CORO7: variants seen among roughly 807,000 people sequenced by gnomAD.
The protein encoded by CORO7 is coronin-7.
CORO7 carries 107 observed loss-of-function variants against 126.6 expected under a neutral mutation model. The observed-to-expected ratio is 0.85, with a 90% CI of 0.72 to 0.99. The LOEUF is 0.99. CORO7 is among the 50% of genes least tolerant of loss of function. The pLI is 0.00. For synonymous variants in CORO7, 603 were observed against 536.8 expected (o/e 1.12, Z -1.70); for missense variants, 1,314 against 1,255.8 (o/e 1.05, Z -0.70).
At chr16:4,409,693 C>T (rs972002781) in intron 3 of CORO7, among the ~76,000 whole-genome samples, 12 of 152,214 alleles carry the variant, frequency 7.9e-5, no homozygotes, top group Non-Finnish European at 1.2e-4. Context: ...CCCACTGGAG[C>T]GGGCCCCAGC....
intron 9 of CORO7, chr16:4,382,753 G>A (rs2055042995): frequency 2.6e-6 from 4 of 1,560,186 alleles, no homozygotes; most frequent in African/African-American, 1.4e-5. Flanking sequence ...GGAACTGGAG[G>A]GAGTGAAGGT....
chr16:4,362,558 TG>T lies in CORO7; in HGVS notation c.1402+53del. 1 of 1,486,768 alleles carries T rather than the reference TG, an allele frequency of 6.7e-7. No homozygotes were observed. Among genetic ancestry groups the T allele is most frequent in the Non-Finnish European group, 8.9e-7 (1 of 1,119,822 alleles). The allele number at this position is 1,486,768 out of a possible 1,614,324, so 92.1% of individuals were successfully genotyped here. A position where few individuals can be genotyped will look rare whatever the true frequency, so the allele number is the denominator to read the frequency against. ...GGGTACACAGGAGGATGACGGGGAG[TG>T]GGGCAGACAGGGCTCCTGCGGTAGG... On this transcript the variant is annotated intron_variant, in intron 15 of 27. Coordinates refer to ENST00000251166, the MANE Select transcript of CORO7 (RefSeq NM_024535.5). This position sits in a 1 kb window ranked among gnomAD's most constrained non-coding sequence, Gnocchi z 5.3.
At chr16:4,360,024 T>C (rs2054111974) in intron 21 of CORO7, among the ~76,000 whole-genome samples, 1 of 130,876 alleles carries the variant, frequency 7.6e-6, no homozygotes. Flanking sequence ...CATCCATCGA[T>C]CTCTCCCTAC....
Position 4,388,627 on chromosome 16 carries a change from G to C in CORO7, c.620C>G (p.Thr207Arg). 1 of 1,611,024 alleles carries C rather than the reference G, an allele frequency of 6.2e-7. No individual in the cohort carries two copies. The highest frequency in any genetic ancestry group is 8.5e-7 in the Non-Finnish European group (1 of 1,179,178). Reference protein sequence around the residue: ...PRTKPRASQSTQAHENSRDSR... With the variant: ...PRTKPRASQSRQAHENSRDSR... ...ATCCCTGCTGTTCTCATGGGCCTGC[G>C]TGCTCTGCAGGAGGCAAGAGGTGGA... The change falls in exon 8 of 28, where the codon ACG (threonine) becomes AGG (arginine). Residue 207 changes from threonine (T) to arginine (R), a missense_variant. Coordinates refer to ENST00000251166, the MANE Select transcript of CORO7 (RefSeq NM_024535.5).
chr16:4,416,089 GCCGGCAGCGCCCCGAGCCCCGGCTC>G (rs1235822021), intron 1 of CORO7, among the ~76,000 whole-genome samples: 1 of 152,124 alleles, frequency 6.6e-6, no homozygotes, highest in Non-Finnish European at 1.5e-5. Context: ...GGAGCCAGGC[GCCGGCAGCGCCCCGAGCCCCGGCTC>G]CCGGCGAGGC....
Position 4,381,491 on chromosome 16 carries a change from A to G in CORO7, c.785+6495T>C, listed in dbSNP as rs900168281. Reference sequence around the variant, plus strand: ...CTGCGGCTGGCTGGTCTGGGGCTGCAGCAGCTGGACGAGGGGCTCTTCAGC... The same window carrying G: ...CTGCGGCTGGCTGGTCTGGGGCTGCGGCAGCTGGACGAGGGGCTCTTCAGC... On this transcript the variant is annotated intron_variant, in intron 9 of 27. Coordinates refer to ENST00000251166, the MANE Select transcript of CORO7 (RefSeq NM_024535.5). The G allele has an allele frequency of 1.9e-6, 3 of 1,588,368 alleles. No homozygotes were observed. The African/African-American group carries it at 4.0e-5, about 21-fold the overall frequency.
chr16:4,386,407 A>C (rs776018954), intron 9 of CORO7, among the ~76,000 whole-genome samples: 4 of 152,272 alleles, frequency 2.6e-5, no homozygotes, highest in Middle Eastern at 3.4e-3. Context: ...GGTGGGTGGA[A>C]GTGACTGGTG....
chr16:4,381,348 C>T, intron 9 of CORO7: 1 of 1,603,942 alleles, frequency 6.2e-7, no homozygotes, highest in Non-Finnish European at 8.5e-7. Flanking sequence ...AGCTGCAGGA[C>T]AACGAGCTGC....
intron 7 of CORO7, among the ~76,000 whole-genome samples, chr16:4,391,784 C>A (rs2055401102): frequency 6.6e-6 from 1 of 152,240 alleles, no homozygotes; most frequent in African/African-American, 2.4e-5. Flanking sequence ...CATTCTCCTG[C>A]ATAGGGGGCA....
At chr16:4,378,871 G>T (rs555346023) in intron 9 of CORO7, among the ~76,000 whole-genome samples, 1 of 152,052 alleles carries the variant, frequency 6.6e-6, no homozygotes, top group Non-Finnish European at 1.5e-5. Flanking sequence ...GCTTGTTGTC[G>T]CTAACTGGCT....
intron 9 of CORO7, among the ~76,000 whole-genome samples, chr16:4,383,869 C>T (rs1414033048): frequency 6.6e-6 from 1 of 152,228 alleles, no homozygotes; most frequent in East Asian, 1.9e-4. Context: ...ATGGGCAGTT[C>T]ACTGCCTGCT....
At chr16:4,384,308 A>C (rs1372519219) in intron 9 of CORO7, among the ~76,000 whole-genome samples, 1 of 152,206 alleles carries the variant, frequency 6.6e-6, no homozygotes, top group Non-Finnish European at 1.5e-5. Context: ...ATTTTCCAGG[A>C]AGGCTGCATG....
chr16:4,388,415 G>A (rs1001660361), intron 8 of CORO7, 130 bp downstream of exon 8: 8 of 1,031,804 alleles, frequency 7.8e-6, no homozygotes, highest in African/African-American at 3.2e-5. Flanking sequence ...CGGCAGCACA[G>A]CCAGGCCGTA....
chr16:4,356,078 C>A (rs2053968436), intron 26 of CORO7, among the ~76,000 whole-genome samples: 2 of 152,202 alleles, frequency 1.3e-5, no homozygotes, highest in African/African-American at 4.8e-5. Context: ...CTCAGCCTCC[C>A]AAGTAGCTGG....
At chr16:4,394,607 G>C (rs575878993) in intron 7 of CORO7, among the ~76,000 whole-genome samples, 2 of 152,304 alleles carry the variant, frequency 1.3e-5, no homozygotes, top group East Asian at 1.9e-4. Flanking sequence ...CTCTGCTCCC[G>C]GGCCAGTTAC....
chr16:4,399,679 C>G (rs1046977746), intron 6 of CORO7, among the ~76,000 whole-genome samples: 1 of 151,922 alleles, frequency 6.6e-6, no homozygotes, highest in Non-Finnish European at 1.5e-5. Context: ...CATTTGAGCC[C>G]AGGAGTTTGA....
intron 1 of CORO7, chr16:4,416,002 C>T (rs2056396902): frequency 3.8e-6 from 2 of 522,782 alleles, no homozygotes; most frequent in Admixed American, 6.3e-5. Flanking sequence ...CACTTGGGCT[C>T]GCCGGGGCCA....
In CORO7 at chr16:4,398,424, G is replaced by A. The variant is rs960534170; in HGVS notation, c.565-3085C>T. Among the ~76,000 whole-genome samples the A allele has an allele frequency of 3.9e-5, 6 of 152,208 alleles. No individual in the cohort carries two copies. The South Asian group carries it at 1.0e-3, about 26-fold the overall frequency. ...CACGCCTGTAATCCCAGCACTTTGC[G>A]AAGCCAAGGCTGGGGGGAATCACTT... On this transcript the variant is annotated intron_variant, in intron 6 of 27. Coordinates refer to ENST00000251166, the MANE Select transcript of CORO7 (RefSeq NM_024535.5).
In CORO7 at chr16:4,364,933, C is replaced by T; in HGVS notation, c.899-13G>A. ...ACACACTGGGTCACTGTTGAGGACA[C>T]CATAGGGGAACAGGCAGGATGGGCA... On this transcript the variant is annotated splice_polypyrimidine_tract_variant and intron_variant, in intron 11 of 27. Transcript: ENST00000251166. 6.2e-7 allele frequency: 1 copy of T among 1,609,566 alleles called. No homozygotes were observed. The highest frequency in any genetic ancestry group is 8.5e-7 in the Non-Finnish European group (1 of 1,178,534).
Sources: allele counts gnomAD v4.1 joint callset (sites outside exome capture counted in the v4.1 genomes callset), GRCh38; gene constraint gnomAD v4.1.1; non-coding constraint Gnocchi (gnomAD v3.1); transcripts MANE v1.5; gene names NCBI Gene and HGNC (gene_info 2026-07-23, HGNC 2026-07-21).